The following ZCWPW2 variants were observed in gnomAD, a reference collection of about 807,000 sequenced individuals.
ZCWPW2 encodes the protein zinc finger CW-type and PWWP domain containing 2, also known as zinc finger CW-type PWWP domain protein 2.
ZCWPW2 carries 45 observed loss-of-function variants against 46.6 expected under a neutral mutation model. The observed-to-expected ratio is 0.96, with a 90% CI of 0.76 to 1.24. The LOEUF (loss-of-function observed/expected upper bound fraction) is 1.24. Among genes scored for constraint, ZCWPW2 ranks in the 50% most tolerant of loss-of-function variants. The probability of loss-of-function intolerance (pLI) is 0.00; values close to 1 mark genes in which losing one functional copy is unlikely to be tolerated. For missense variants in ZCWPW2, 429 were observed against 403.9 expected (o/e 1.06, Z -0.53); for synonymous variants, 152 against 137.1 (o/e 1.11, Z -0.76).
At chr3:28,440,065 G>A (rs1261522721) in intron 4 of ZCWPW2, among the ~76,000 whole-genome samples, 1 of 152,120 alleles carries the variant, frequency 6.6e-6, no homozygotes, top group African/African-American at 2.4e-5. Flanking sequence ...TTGGGCTGTT[G>A]TAGTTTGCCA....
Position 28,435,238 on chromosome 3 carries a change from C to T in ZCWPW2, c.461C>T (p.Thr154Ile). 6.2e-7 allele frequency: 1 copy of T among 1,613,106 alleles called. No homozygotes were observed. The highest frequency in any genetic ancestry group is 8.5e-7 in the Non-Finnish European group (1 of 1,179,848). The change falls in exon 4 of 10, where the codon ACA (threonine) becomes ATA (isoleucine). Residue 154 changes from threonine to isoleucine, a missense_variant. By Grantham distance (89) the Thr-to-Ile change is moderately conservative. Coordinates refer to ENST00000383768, the MANE Select transcript of ZCWPW2 (RefSeq NM_001040432.4). ...DPHSRSWIKA[T>I]FVGHYSITLK... ...CATTCAAGATCATGGATAAAGGCAA[C>T]ATTCGTTGGACATTATAGTATCACA... is the stretch of plus-strand genomic sequence containing the variant.
At chr3:28,455,994 G>A (rs2125784007) in intron 4 of ZCWPW2, among the ~76,000 whole-genome samples, 1 of 152,100 alleles carries the variant, frequency 6.6e-6, no homozygotes, top group East Asian at 1.9e-4. Context: ...TATGAATTTT[G>A]AAAGAGCTTT....
At chr3:28,432,898 A>C (rs1431048932) in intron 3 of ZCWPW2, among the ~76,000 whole-genome samples, 2 of 152,194 alleles carry the variant, frequency 1.3e-5, no homozygotes, top group Non-Finnish European at 2.9e-5. Flanking sequence ...GCACACCATC[A>C]TTCTATCCCT....
In ZCWPW2 at chr3:28,380,981, ATATATATATATATATTTGG is replaced by A. The variant is rs1367417532; in HGVS notation, c.-133-9501_-133-9483del. Among the ~76,000 whole-genome samples the A allele has an allele frequency of 3.2e-4, 14 of 43,548 alleles. 2 individuals carry two copies. The highest frequency in any genetic ancestry group is 1.7e-3 in the African/African-American group (13 of 7,432). 28.6% of individuals were successfully genotyped at this position (43,548 alleles called of 152,430 possible). A position where few individuals can be genotyped will look rare whatever the true frequency, so the allele number is the denominator to read the frequency against. On this transcript the variant is annotated intron_variant, in intron 1 of 9. Coordinates refer to ENST00000383768, the MANE Select transcript of ZCWPW2 (RefSeq NM_001040432.4). ...ATATATATATATATATTTGGTATAT[ATATATATATATATATTTGG>A]TATATATATATATATATATATTTGG... is the stretch of plus-strand genomic sequence containing the variant.
At chr3:28,431,600 T>C (rs1167550882) in intron 3 of ZCWPW2, among the ~76,000 whole-genome samples, 1 of 152,126 alleles carries the variant, frequency 6.6e-6, no homozygotes, top group Non-Finnish European at 1.5e-5. Flanking sequence ...TGACCACATC[T>C]GAAGCTAGGA....
At chr3:28,373,427 A>C (rs538739170) in intron 1 of ZCWPW2, among the ~76,000 whole-genome samples, 1 of 151,764 alleles carries the variant, frequency 6.6e-6, no homozygotes, top group East Asian at 1.9e-4. Flanking sequence ...GCCTTTTTTC[A>C]TATACCTATT....
chr3:28,382,280 G>A (rs953186646), intron 1 of ZCWPW2, among the ~76,000 whole-genome samples: 3 of 152,040 alleles, frequency 2.0e-5, no homozygotes, highest in African/African-American at 7.2e-5. Flanking sequence ...GAGCTATGAG[G>A]GAAGGATCTG....
intron 4 of ZCWPW2, among the ~76,000 whole-genome samples, chr3:28,446,179 A>G (rs1008541145): frequency 1.3e-5 from 2 of 152,118 alleles, no homozygotes; most frequent in Non-Finnish European, 2.9e-5. Flanking sequence ...ACTAGATTTA[A>G]CAGGCATGTA....
chr3:28,445,411 AG>A (rs915475268), intron 4 of ZCWPW2, among the ~76,000 whole-genome samples: 16 of 152,040 alleles, frequency 1.1e-4, no homozygotes, highest in Non-Finnish European at 2.4e-4. Flanking sequence ...AACAACTGAA[AG>A]GGGTGGGGAT....
In ZCWPW2 at chr3:28,522,105, G is replaced by A. The variant is rs143927418; in HGVS notation, c.909+989G>A. On this transcript the variant is annotated intron_variant, in intron 9 of 9. Transcript: ENST00000383768. ...CAGGAAGGGGAACATCACACACTGG[G>A]GCCTGTCATGGGGTGGAGGGAGAGG... is the stretch of plus-strand genomic sequence containing the variant. 7.5e-3 allele frequency among the ~76,000 whole-genome samples: 1,145 copies of A among 152,212 alleles called. 29 individuals are homozygous for A. Among genetic ancestry groups the A allele is most frequent in the African/African-American group, 0.026 (1,080 of 41,522 alleles).
chr3:28,404,466 A>G (rs1220287914), intron 2 of ZCWPW2, among the ~76,000 whole-genome samples: 2 of 152,196 alleles, frequency 1.3e-5, no homozygotes, highest in Non-Finnish European at 2.9e-5. Context: ...AACAGTGTGG[A>G]GATTCCGTAA....
At chr3:28,384,804 C>T (rs553942868) in intron 1 of ZCWPW2, among the ~76,000 whole-genome samples, 18 of 151,920 alleles carry the variant, frequency 1.2e-4, no homozygotes, top group South Asian at 1.0e-3. Flanking sequence ...TTAGTAGAGA[C>T]GGGGTTTTAC....
At chr3:28,435,375 T>C (rs1340935248) in intron 4 of ZCWPW2, 106 bp downstream of exon 4, 3 of 983,424 alleles carry the variant, frequency 3.1e-6, no homozygotes, top group East Asian at 5.8e-5. Context: ...TAGATTGATA[T>C]AATGTATGCT....
intron 2 of ZCWPW2, among the ~76,000 whole-genome samples, chr3:28,396,515 CAAGTGAGATATTATCTAGA>C (rs1695705494): frequency 6.6e-6 from 1 of 152,034 alleles, no homozygotes; most frequent in Non-Finnish European, 1.5e-5. Context: ...GCATTGTTTA[CAAGTGAGATATTATCTAGA>C]AAGTGAAAAC....
At chr3:28,430,854 A>AC (rs1183022596) in intron 3 of ZCWPW2, among the ~76,000 whole-genome samples, 10 of 152,076 alleles carry the variant, frequency 6.6e-5, no homozygotes, top group South Asian at 2.1e-4. Context: ...CATGTTTGCT[A>AC]CCCCTTCTGC....
chr3:28,445,997 A>G (rs1442672013), intron 4 of ZCWPW2, among the ~76,000 whole-genome samples: 3 of 152,184 alleles, frequency 2.0e-5, no homozygotes, highest in Admixed American at 6.5e-5. Context: ...ATAAACATGC[A>G]TCTGTTAAAA....
At chr3:28,505,719 A>G (rs1700258404) in intron 6 of ZCWPW2, among the ~76,000 whole-genome samples, 2 of 152,160 alleles carry the variant, frequency 1.3e-5, no homozygotes, top group African/African-American at 2.4e-5. Context: ...CAAAGCACAC[A>G]GATTCACTTT....
rs146750450 is a variant in ZCWPW2 at position 28,411,445 on chromosome 3, C to T, written c.-13-1611C>T. On this transcript the variant is annotated intron_variant, in intron 2 of 9. Transcript: ENST00000383768. ...CCGTACTCCCAACATAACAAACATTCGAAGCATTCTCTTTAAAATTAGAAA... is the reference window on the plus strand; with the variant it reads ...CCGTACTCCCAACATAACAAACATTTGAAGCATTCTCTTTAAAATTAGAAA... Among the ~76,000 whole-genome samples the T allele has an allele frequency of 9.3e-4, 141 of 151,636 alleles. 2 individuals are homozygous for T. The East Asian group carries it at 0.019, about 21-fold the overall frequency.
intron 4 of ZCWPW2, among the ~76,000 whole-genome samples, chr3:28,448,303 C>G (rs535429111): frequency 3.8e-4 from 58 of 151,572 alleles, no homozygotes; most frequent in Non-Finnish European, 7.1e-4. Flanking sequence ...ACTAAGAATG[C>G]CAAAAGATAA....
Sources: gnomAD v4.1 joint callset for allele counts (sites outside exome capture counted in the v4.1 genomes callset) on GRCh38, gnomAD v4.1.1 for gene constraint, MANE v1.5 for transcripts, NCBI Gene and HGNC (gene_info 2026-07-23, HGNC 2026-07-21) for gene names.